Variants in TMEM117 observed in about 807,000 individuals in gnomAD.
TMEM117 encodes the protein transmembrane protein 117.
In TMEM117, 27 loss-of-function variants were observed where a neutral mutation model predicts 52.4. That is an observed-to-expected ratio of 0.51 (90% confidence interval 0.38 to 0.71). The LOEUF (loss-of-function observed/expected upper bound fraction) is 0.71. Ranked by LOEUF, TMEM117 falls within the 30% of genes least tolerant of loss-of-function variation. The pLI is 0.00. For missense variants in TMEM117, 556 were observed against 630.5 expected, an observed-to-expected ratio of 0.88 and a Z score of 1.26; for synonymous variants, 215 against 206.3, an observed-to-expected ratio of 1.04 and a Z score of -0.36.
intron 3 of TMEM117, among the ~76,000 whole-genome samples, chr12:43,962,717 G>C (rs2137667572): frequency 6.6e-6 from 1 of 152,120 alleles, no homozygotes; most frequent in East Asian, 1.9e-4. Flanking sequence ...TCAGGAGATA[G>C]AGACCATCCT....
chr12:43,836,981 T>C (rs1041941867), intron 1 of TMEM117, among the ~76,000 whole-genome samples: 5 of 152,224 alleles, frequency 3.3e-5, no homozygotes, highest in African/African-American at 1.2e-4. Flanking sequence ...GGGTTTTGTT[T>C]TGGCTTCAGA....
chr12:44,308,774 C>G (rs1379536261), intron 6 of TMEM117, among the ~76,000 whole-genome samples: 3 of 152,088 alleles, frequency 2.0e-5, no homozygotes, highest in African/African-American at 7.2e-5. Flanking sequence ...CGCCTGCCAC[C>G]GCGCCCGGCT....
At chr12:44,011,358 C>T (rs761338482) in intron 3 of TMEM117, among the ~76,000 whole-genome samples, 3 of 152,140 alleles carry the variant, frequency 2.0e-5, no homozygotes, top group Admixed American at 6.5e-5. Flanking sequence ...CCACAATTCT[C>T]ATTCCAAGTG....
At chr12:44,348,489 A>G (rs186560811) in intron 6 of TMEM117, among the ~76,000 whole-genome samples, 146 of 152,038 alleles carry the variant, frequency 9.6e-4, no homozygotes, top group African/African-American at 3.4e-3. Flanking sequence ...AAATGAAGCA[A>G]TATGCCCAAA....
intron 6 of TMEM117, among the ~76,000 whole-genome samples, chr12:44,301,748 C>T (rs868081613): frequency 6.6e-6 from 1 of 151,696 alleles, no homozygotes; most frequent in Admixed American, 6.6e-5. Flanking sequence ...ATGGCCTTTC[C>T]AGGTTTCTCG....
intron 5 of TMEM117, among the ~76,000 whole-genome samples, chr12:44,273,466 C>T (rs1293914480): frequency 2.6e-5 from 4 of 151,868 alleles, no homozygotes; most frequent in Non-Finnish European, 5.9e-5. Flanking sequence ...ACTCATTCTA[C>T]AAGGACAGTA....
At chr12:43,878,220 G>A (rs1051438447) in intron 2 of TMEM117, among the ~76,000 whole-genome samples, 3 of 152,038 alleles carry the variant, frequency 2.0e-5, no homozygotes, top group African/African-American at 7.2e-5. Context: ...TGTAGTTCTC[G>A]GAGGAATTTC....
intron 4 of TMEM117, among the ~76,000 whole-genome samples, chr12:44,182,496 TCAA>T (rs1949216584): frequency 6.6e-6 from 1 of 152,162 alleles, no homozygotes; most frequent in Non-Finnish European, 1.5e-5. Flanking sequence ...TTGACAAAAT[TCAA>T]CAACGCTTCA....
intron 5 of TMEM117, among the ~76,000 whole-genome samples, chr12:44,241,097 A>G (rs969359874): frequency 6.6e-6 from 1 of 152,018 alleles, no homozygotes; most frequent in Non-Finnish European, 1.5e-5. Flanking sequence ...ACCCATGCAC[A>G]TCCTCCCTTA....
At chr12:44,033,463 C>T (rs918073062) in intron 3 of TMEM117, among the ~76,000 whole-genome samples, 1 of 152,134 alleles carries the variant, frequency 6.6e-6, no homozygotes, top group African/African-American at 2.4e-5. Context: ...TTTCCTATAA[C>T]GATTTTATAA....
At chr12:44,228,217 A>G (rs1286792846) in intron 5 of TMEM117, among the ~76,000 whole-genome samples, 2 of 152,142 alleles carry the variant, frequency 1.3e-5, no homozygotes, top group African/African-American at 4.8e-5. Context: ...AAGAAGACCA[A>G]TTAGGAAAGA....
At chr12:44,397,775 G>A in the TMEM117 span, among the ~76,000 whole-genome samples, 1 of 152,164 alleles carries the variant, frequency 6.6e-6, no homozygotes, top group Non-Finnish European at 1.5e-5. Context: ...AGTTGTTTAT[G>A]GGCTGGAAGA....
chr12:44,014,675 C>T (rs1382652138), intron 3 of TMEM117, among the ~76,000 whole-genome samples: 2 of 152,102 alleles, frequency 1.3e-5, no homozygotes, highest in African/African-American at 2.4e-5. Flanking sequence ...GGTTAATCAC[C>T]TAGATGTAGC....
At chr12:44,199,478 A>G (rs1420340325) in intron 4 of TMEM117, among the ~76,000 whole-genome samples, 1 of 152,164 alleles carries the variant, frequency 6.6e-6, no homozygotes, top group African/African-American at 2.4e-5. Context: ...TATGACCACA[A>G]TATACTGACC....
chr12:44,225,478 C>G (rs1949848921), intron 5 of TMEM117, among the ~76,000 whole-genome samples: 1 of 152,056 alleles, frequency 6.6e-6, no homozygotes, highest in South Asian at 2.1e-4. Context: ...ATGTTTTTTT[C>G]TCTATGAATA....
intron 5 of TMEM117, 115 bp from the exon 6 acceptor site, chr12:44,299,465 C>A: frequency 1.5e-6 from 2 of 1,366,550 alleles, no homozygotes; most frequent in Admixed American, 2.2e-5. Flanking sequence ...GCTAATATAC[C>A]TTAGGGTAGG....
chr12:43,877,514 C>A (rs1163967783), intron 2 of TMEM117, among the ~76,000 whole-genome samples: 2 of 151,640 alleles, frequency 1.3e-5, no homozygotes, highest in African/African-American at 2.4e-5. Context: ...GGGCACCTGT[C>A]ATCCTAGCTA....
At chr12:44,014,841 GT>G (rs1007190698) in intron 3 of TMEM117, among the ~76,000 whole-genome samples, 7 of 150,970 alleles carry the variant, frequency 4.6e-5, no homozygotes, top group African/African-American at 1.7e-4. Context: ...TTGTTGTACC[GT>G]TTTTTTTCTA....
intron 5 of TMEM117, among the ~76,000 whole-genome samples, chr12:44,279,899 T>C (rs1324335961): frequency 6.6e-6 from 1 of 152,156 alleles, no homozygotes; most frequent in Non-Finnish European, 1.5e-5. Context: ...GAAACCTCTA[T>C]GTGGTTTTTG....
Sources: allele counts gnomAD v4.1 joint callset (sites outside exome capture counted in the v4.1 genomes callset), GRCh38; gene constraint gnomAD v4.1.1; transcripts MANE v1.5; gene names NCBI Gene and HGNC (gene_info 2026-07-23, HGNC 2026-07-21).